The following LAMTOR5 variants were observed in gnomAD, a reference collection of about 807,000 sequenced individuals.
LAMTOR5 encodes the protein ragulator complex protein LAMTOR5.
In LAMTOR5, 8 loss-of-function variants were observed where a neutral mutation model predicts 12.1. That is an observed-to-expected ratio of 0.66 (90% CI 0.39 to 1.19). LAMTOR5 has a LOEUF of 1.19. LAMTOR5 is among the 50% of genes most tolerant of loss of function. LAMTOR5 has a pLI of 0.01. For synonymous variants in LAMTOR5, 37 were observed against 41.9 expected (o/e 0.88, Z 0.45); for missense variants, 110 against 112.8 (o/e 0.97, Z 0.11).
intron 1 of LAMTOR5, 84 bp from the exon 2 acceptor site, chr1:110,406,463 T>C: frequency 1.2e-6 from 1 of 856,702 alleles, no homozygotes; most frequent in Non-Finnish European, 1.9e-6. Flanking sequence ...GTGTTCTATG[T>C]ACCAGGCATT....
At chr1:110,401,622 A>C in intron 3 of LAMTOR5, 39 bp from the exon 4 acceptor site, 1 of 1,577,838 alleles carries the variant, frequency 6.3e-7, no homozygotes, top group Non-Finnish European at 8.7e-7. Flanking sequence ...AAACGTAATC[A>C]GTGGGACTTC....
chr1:110,402,992 T>C (rs1213260493), intron 3 of LAMTOR5, among the ~76,000 whole-genome samples: 2 of 152,230 alleles, frequency 1.3e-5, no homozygotes, highest in Admixed American at 6.5e-5. Flanking sequence ...ACTTTTACTG[T>C]ATCTTCTCTA....
At chr1:110,403,548 AAGTCAC>A (rs2101109088) in intron 3 of LAMTOR5, 1 of 162,696 alleles carries the variant, frequency 6.1e-6, no homozygotes, top group East Asian at 1.8e-4. Context: ...GGTGGGGTTG[AAGTCAC>A]AGTGACCCAT....
chr1:110,407,407 C>G (rs2101113112), intron 1 of LAMTOR5, 179 bp downstream of exon 1: 1 of 789,840 alleles, frequency 1.3e-6, no homozygotes, highest in East Asian at 2.7e-5. Context: ...GATTTTAATT[C>G]CGGGTCACCC....
At position 110,401,303 on chromosome 1, in the gene LAMTOR5, G is replaced by T; in HGVS notation, c.*220C>A. 2.5e-6 allele frequency: 1 copy of T among 401,720 alleles called. No individual in the cohort carries two copies. 24.9% of individuals were successfully genotyped at this position (401,720 alleles called of 1,614,324 possible). On this transcript the variant is annotated 3_prime_UTR_variant, in exon 4 of 4. Transcript: ENST00000602318. Reference sequence around the variant, plus strand: ...TACAGCAAAATTCTATATACAAAGTGACCTGGACCTGCTGCTTCAAAACAT... The same window carrying T: ...TACAGCAAAATTCTATATACAAAGTTACCTGGACCTGCTGCTTCAAAACAT...
chr1:110,401,669 A>G (rs1440429692), intron 3 of LAMTOR5, 86 bp from the exon 4 acceptor site: 23 of 1,352,864 alleles, frequency 1.7e-5, no homozygotes, highest in African/African-American at 2.9e-5. Flanking sequence ...TTTAGGATAC[A>G]ATATTTAAAA....
intron 3 of LAMTOR5, 143 bp downstream of exon 3, chr1:110,403,776 C>T: frequency 7.6e-7 from 1 of 1,310,102 alleles, no homozygotes; most frequent in Non-Finnish European, 1.0e-6. Flanking sequence ...ATCAACTTGT[C>T]TGTTCCTGTG....
chr1:110,407,023 C>T (rs762654886), intron 1 of LAMTOR5: 2 of 695,186 alleles, frequency 2.9e-6, no homozygotes, highest in African/African-American at 1.8e-5. Flanking sequence ...TGTTGAAAAA[C>T]TCAAGTTACC....
Position 110,407,691 on chromosome 1 carries a change from A to G in LAMTOR5, c.-71T>C, listed in dbSNP as rs201221603. On this transcript the variant is annotated 5_prime_UTR_variant, in exon 1 of 4. Coordinates refer to ENST00000602318, the MANE Select transcript of LAMTOR5 (RefSeq NM_001382293.1). Reference sequence around the variant, plus strand: ...TCCTTCTCCACCACAGGCCTCAGTCACTTGACGCGAGCGGGGCGTGGACCG... The same window carrying G: ...TCCTTCTCCACCACAGGCCTCAGTCGCTTGACGCGAGCGGGGCGTGGACCG... 1.5e-4 allele frequency: 238 copies of G among 1,614,070 alleles called. No individual in the cohort carries two copies. Among genetic ancestry groups the G allele is most frequent in the Non-Finnish European group, 1.8e-4 (218 of 1,180,038 alleles).
At chr1:110,403,693 A>G in intron 3 of LAMTOR5, 1 of 489,710 alleles carries the variant, frequency 2.0e-6, no homozygotes, top group Non-Finnish European at 3.4e-6. Context: ...TTTGTTGGTA[A>G]ACTGATAGCT....
intron 3 of LAMTOR5, chr1:110,403,585 G>A: frequency 4.8e-6 from 1 of 210,256 alleles, no homozygotes; most frequent in South Asian, 6.2e-5. Context: ...CTGTACTCCA[G>A]CCTGGTGCCA....
chr1:110,407,811 C>G (rs1394351845), upstream of LAMTOR5: 5 of 1,613,984 alleles, frequency 3.1e-6, no homozygotes, highest in East Asian at 4.5e-5. Context: ...CAGAGCCTGA[C>G]GAAGGCTTGG....
intron 3 of LAMTOR5, among the ~76,000 whole-genome samples, chr1:110,402,227 T>C (rs904533690): frequency 5.3e-5 from 8 of 152,156 alleles, no homozygotes; most frequent in Non-Finnish European, 7.4e-5. Flanking sequence ...TAAATGACTA[T>C]GCTATGGTTT....
chr1:110,406,743 G>C, intron 1 of LAMTOR5: 1 of 317,848 alleles, frequency 3.1e-6, no homozygotes. Flanking sequence ...AGAATCGCTT[G>C]AACCTGGGAG....
intron 3 of LAMTOR5, 136 bp downstream of exon 3, chr1:110,403,783 T>C (rs1663272152): frequency 1.5e-6 from 2 of 1,371,004 alleles, no homozygotes; most frequent in Non-Finnish European, 9.7e-7. Flanking sequence ...TGTCTGTTCC[T>C]GTGATTCAAA....
intron 3 of LAMTOR5, among the ~76,000 whole-genome samples, chr1:110,402,306 A>G (rs1663246241): frequency 6.6e-6 from 1 of 152,154 alleles, no homozygotes; most frequent in African/African-American, 2.4e-5. Context: ...GCTGGAGGGC[A>G]GTGGCGTGAT....
Position 110,401,307 on chromosome 1 carries a change from TG to T in LAMTOR5, c.*215del. 1 of 410,240 alleles carries T rather than the reference TG, an allele frequency of 2.4e-6. No homozygotes were observed. Among genetic ancestry groups the T allele is most frequent in the Non-Finnish European group, 4.4e-6 (1 of 229,844 alleles). 25.4% of individuals were successfully genotyped at this position (410,240 alleles called of 1,614,324 possible). Reference sequence around the variant, plus strand: ...GCAAAATTCTATATACAAAGTGACCTGGACCTGCTGCTTCAAAACATGATCC... The same window carrying T: ...GCAAAATTCTATATACAAAGTGACCTGACCTGCTGCTTCAAAACATGATCC... On this transcript the variant is annotated 3_prime_UTR_variant, in exon 4 of 4. Transcript: ENST00000602318.
intron 1 of LAMTOR5, 65 bp downstream of exon 1, chr1:110,407,521 T>C (rs1450706156): frequency 2.9e-5 from 46 of 1,565,856 alleles, no homozygotes; most frequent in Non-Finnish European, 3.9e-5. Flanking sequence ...AGCTCGCGCC[T>C]TTCGTTCCGC....
chr1:110,403,816 T>C (rs1557923815), intron 3 of LAMTOR5, 103 bp downstream of exon 3: 1 of 1,483,612 alleles, frequency 6.7e-7, no homozygotes, highest in Non-Finnish European at 9.0e-7. Context: ...TTTCCCAAAG[T>C]AGTCTGAATA....
Sources: allele counts gnomAD v4.1 joint callset (sites outside exome capture counted in the v4.1 genomes callset), GRCh38; gene constraint gnomAD v4.1.1; transcripts MANE v1.5; gene names NCBI Gene and HGNC (gene_info 2026-07-23, HGNC 2026-07-21).